Variants in GPALPP1 observed in about 807,000 individuals in gnomAD.
The protein encoded by GPALPP1 is GPALPP motifs containing 1, also known as GPALPP motifs-containing protein 1.
GPALPP1 carries 30 observed loss-of-function variants against 38.9 expected under a neutral mutation model. The observed-to-expected ratio is 0.77, with a 90% CI of 0.58 to 1.05. The LOEUF is 1.05. Among genes scored for constraint, GPALPP1 ranks in the 50% least tolerant of loss-of-function variants. The pLI, the probability that GPALPP1 is intolerant of heterozygous loss-of-function variation, is 0.00. For missense variants in GPALPP1, 384 were observed against 408.8 expected, an observed-to-expected ratio of 0.94 and a Z score of 0.52; for synonymous variants, 120 against 139.2, an observed-to-expected ratio of 0.86 and a Z score of 0.97.
At position 45,015,417 on chromosome 13, in the gene GPALPP1, T is replaced by C; in HGVS notation, c.541-15T>C. ...ATATGTACTTTCTATGCTGTGTTTT[T>C]TTTTTCTCTTAAAGGATTCATCTAA... is the stretch of plus-strand genomic sequence containing the variant. On this transcript the variant is annotated splice_polypyrimidine_tract_variant and intron_variant, in intron 5 of 7. Transcript: ENST00000379151. The C allele has an allele frequency of 6.6e-7, 1 of 1,523,260 alleles. No individual in the cohort carries two copies. Among genetic ancestry groups the C allele is most frequent in the Non-Finnish European group, 8.8e-7 (1 of 1,130,140 alleles). The allele number at this position is 1,523,260 out of a possible 1,614,324, so 94.4% of individuals were successfully genotyped here.
chr13:44,989,760 C>T lies in GPALPP1; in HGVS notation c.88+18C>T, dbSNP rs767239897. ...GAGCCCTGGTAAGCGGCGGCGTCTCCGCTGCCCACCAGGCCCATCTACCCA... is the reference window on the plus strand; with the variant it reads ...GAGCCCTGGTAAGCGGCGGCGTCTCTGCTGCCCACCAGGCCCATCTACCCA... On this transcript the variant is annotated intron_variant, in intron 1 of 7. Transcript: ENST00000379151. The T allele has an allele frequency of 4.4e-5, 69 of 1,583,812 alleles. No homozygotes were observed. Among genetic ancestry groups the T allele is most frequent in the Non-Finnish European group, 5.4e-5 (63 of 1,160,718 alleles).
At chr13:45,037,001 G>C (rs922403889) in exon 8 of GPALPP1, 1 of 152,096 alleles carries the variant, frequency 6.6e-6, no homozygotes, top group African/African-American at 2.4e-5. Flanking sequence ...AACTAGGTAG[G>C]AAAGACAATA....
chr13:44,993,890 G>C (rs965773353), intron 1 of GPALPP1, among the ~76,000 whole-genome samples: 6 of 150,866 alleles, frequency 4.0e-5, no homozygotes, highest in Admixed American at 1.3e-4. Context: ...TTTCCTTAAC[G>C]ATTAGTGATG....
At chr13:44,991,042 A>T (rs989926816) in intron 1 of GPALPP1, among the ~76,000 whole-genome samples, 1 of 151,786 alleles carries the variant, frequency 6.6e-6, no homozygotes, top group African/African-American at 2.4e-5. Context: ...GTGAGCCGAG[A>T]GTGCCACTGC....
chr13:44,994,010 G>A (rs984963541), intron 1 of GPALPP1, among the ~76,000 whole-genome samples: 17 of 151,628 alleles, frequency 1.1e-4, no homozygotes, highest in South Asian at 8.4e-4. Flanking sequence ...GCTGAGGCAG[G>A]CATTCTTGAA....
exon 8 of GPALPP1, chr13:45,036,906 A>G (rs79206223): frequency 2.0e-5 from 3 of 152,244 alleles, no homozygotes; most frequent in African/African-American, 7.2e-5. Context: ...GCAGTGAGCT[A>G]TGAACATGCC....
intron 6 of GPALPP1, among the ~76,000 whole-genome samples, chr13:45,015,839 T>G (rs1035229473): frequency 6.6e-6 from 1 of 152,144 alleles, no homozygotes; most frequent in Non-Finnish European, 1.5e-5. Context: ...GACATAGGTA[T>G]AATGGCCTTA....
chr13:44,998,123 C>G (rs902998001), intron 1 of GPALPP1, among the ~76,000 whole-genome samples: 1 of 152,222 alleles, frequency 6.6e-6, no homozygotes, highest in Non-Finnish European at 1.5e-5. Flanking sequence ...AGAACTTCCT[C>G]AATTTTCTGT....
At chr13:45,008,584 C>T (rs1874260899) in intron 3 of GPALPP1, among the ~76,000 whole-genome samples, 3 of 152,062 alleles carry the variant, frequency 2.0e-5, no homozygotes, top group African/African-American at 4.8e-5. Context: ...TAATTATTGA[C>T]TAACAAGTAG....
At chr13:45,036,199 T>C (rs892019370) in exon 8 of GPALPP1, 1 of 152,214 alleles carries the variant, frequency 6.6e-6, no homozygotes, top group East Asian at 1.9e-4. Context: ...AGTGAATGCC[T>C]AAAAGCATTC....
At chr13:45,034,128 TG>T (rs1397431047), downstream of GPALPP1, 2 of 152,240 alleles carry the variant, frequency 1.3e-5, no homozygotes, top group Non-Finnish European at 2.9e-5. Context: ...GGAACTTATA[TG>T]TTTGTTCATT....
In GPALPP1 at chr13:45,024,170, T is replaced by C. The variant is rs1016616329; in HGVS notation, c.805-3615T>C. ...CTCTGTGTGTGTGTGTGTGTGTGTGTGTGTGTGTGTGTGTGTGTGTGTGTG... is the reference window on the plus strand; with the variant it reads ...CTCTGTGTGTGTGTGTGTGTGTGTGCGTGTGTGTGTGTGTGTGTGTGTGTG... On this transcript the variant is annotated intron_variant, in intron 7 of 7. Transcript: ENST00000379151. Among the ~76,000 whole-genome samples the C allele has an allele frequency of 1.9e-3, 238 of 128,078 alleles. 3 individuals carry two copies. The highest frequency in any genetic ancestry group is 7.1e-3 in the African/African-American group (210 of 29,526). 84.0% of individuals were successfully genotyped at this position (128,078 alleles called of 152,430 possible).
At chr13:45,015,664 G>A in intron 6 of GPALPP1, 68 bp downstream of exon 6, 1 of 1,090,882 alleles carries the variant, frequency 9.2e-7, no homozygotes, top group Non-Finnish European at 1.2e-6. Flanking sequence ...AAGATATAAT[G>A]CAAAATTATT....
At chr13:45,024,178 TG>T (rs1875636700) in intron 7 of GPALPP1, among the ~76,000 whole-genome samples, 1 of 136,794 alleles carries the variant, frequency 7.3e-6, no homozygotes, top group Non-Finnish European at 1.6e-5. Flanking sequence ...TGTGTGTGTG[TG>T]TGTGTGTGTG....
chr13:45,033,010 C>A (rs1308626803), downstream of GPALPP1, among the ~76,000 whole-genome samples: 5 of 150,424 alleles, frequency 3.3e-5, no homozygotes, highest in East Asian at 2.0e-4. Flanking sequence ...GCACTCCAGC[C>A]TGGGCGACAG....
chr13:45,026,282 T>G (rs11617581), intron 7 of GPALPP1, among the ~76,000 whole-genome samples: 2 of 152,230 alleles, frequency 1.3e-5, no homozygotes, highest in East Asian at 3.8e-4. Context: ...TTTAAATACA[T>G]ATTTACTAAT....
intron 1 of GPALPP1, among the ~76,000 whole-genome samples, chr13:45,002,964 T>C: frequency 6.6e-6 from 1 of 152,212 alleles, no homozygotes; most frequent in Non-Finnish European, 1.5e-5. Flanking sequence ...CAGTGTCACC[T>C]TTTTCCTATT....
In GPALPP1 at chr13:45,028,004, G is replaced by A; in HGVS notation, c.*1G>A. On this transcript the variant is annotated 3_prime_UTR_variant, in exon 8 of 8. Coordinates refer to ENST00000379151, the MANE Select transcript of GPALPP1 (RefSeq NM_018559.5). ...CGGCAAAGGCAATATGTTTTTATAAGTAAGTATATTTCAGTGAGGTATATT... is the reference window on the plus strand; with the variant it reads ...CGGCAAAGGCAATATGTTTTTATAAATAAGTATATTTCAGTGAGGTATATT... 6.6e-7 allele frequency: 1 copy of A among 1,504,580 alleles called. No homozygotes were observed. The allele number at this position is 1,504,580 out of a possible 1,614,324, so 93.2% of individuals were successfully genotyped here.
chr13:45,010,737 A>C (rs1874409930), intron 4 of GPALPP1, among the ~76,000 whole-genome samples: 1 of 152,232 alleles, frequency 6.6e-6, no homozygotes, highest in African/African-American at 2.4e-5. Flanking sequence ...GTAATCCCAC[A>C]CTTTGGGAGG....
Sources: allele counts gnomAD v4.1 joint callset (sites outside exome capture counted in the v4.1 genomes callset), GRCh38; gene constraint gnomAD v4.1.1; transcripts MANE v1.5; gene names NCBI Gene and HGNC (gene_info 2026-07-23, HGNC 2026-07-21).